Variants in PRKN observed in about 807,000 individuals in gnomAD.
PRKN encodes E3 ubiquitin-protein ligase parkin.
Under a neutral mutation model 59.5 loss-of-function variants are expected in PRKN, and 56 were observed. That is an observed-to-expected ratio of 0.94 (90% CI 0.76 to 1.18). The LOEUF (loss-of-function observed/expected upper bound fraction) is 1.18, where lower values mean the gene tolerates loss of function less well. Ranked by LOEUF, PRKN falls within the 50% of genes most tolerant of loss-of-function variation. PRKN has a pLI of 0.00. For missense variants in PRKN, 657 were observed against 596.4 expected (o/e 1.10, Z -1.06); for synonymous variants, 250 against 222.1 (o/e 1.13, Z -1.12).
chr6:162,234,308 T>C (rs1051749509), intron 3 of PRKN, among the ~76,000 whole-genome samples: 4 of 152,160 alleles, frequency 2.6e-5, no homozygotes, highest in Admixed American at 2.6e-4. Flanking sequence ...CAGGCCCCAG[T>C]GAGCTGGCTT....
At chr6:162,118,105 C>T (rs1283397531) in intron 4 of PRKN, among the ~76,000 whole-genome samples, 2 of 151,482 alleles carry the variant, frequency 1.3e-5, no homozygotes, top group African/African-American at 2.4e-5. Flanking sequence ...ATTAACATTT[C>T]AAATTTTAAA....
chr6:162,725,707 G>A (rs576684891), intron 1 of PRKN, among the ~76,000 whole-genome samples: 60 of 151,476 alleles, frequency 4.0e-4, no homozygotes, highest in Non-Finnish European at 7.9e-4. Context: ...AGGCTGCAGT[G>A]AGCTGTGATG....
chr6:161,880,101 G>C (rs1794876472), intron 6 of PRKN, among the ~76,000 whole-genome samples: 1 of 152,036 alleles, frequency 6.6e-6, no homozygotes, highest in South Asian at 2.1e-4. Context: ...TTTAATTTTA[G>C]AAAAACACAT....
chr6:162,691,990 T>A (rs1434266426), intron 1 of PRKN, among the ~76,000 whole-genome samples: 3 of 144,286 alleles, frequency 2.1e-5, no homozygotes, highest in Non-Finnish European at 3.1e-5. Flanking sequence ...TATGCACAGA[T>A]TAAAAAAAAA....
intron 7 of PRKN, among the ~76,000 whole-genome samples, chr6:161,630,325 G>A: frequency 6.6e-6 from 1 of 152,028 alleles, no homozygotes; most frequent in Non-Finnish European, 1.5e-5. Flanking sequence ...ACTCTCTGAG[G>A]CTCAGCTTCC....
At chr6:162,261,539 G>T (rs1357236387) in intron 3 of PRKN, among the ~76,000 whole-genome samples, 1 of 151,960 alleles carries the variant, frequency 6.6e-6, no homozygotes, top group East Asian at 1.9e-4. Context: ...TATTATTCTG[G>T]TCACAAGAGT....
rs55714271 is a variant in PRKN, at chr6:161,897,966, C to CAAAAAAAAAAAAAAA, written c.734+75321_734+75335dup. 5.7e-4 allele frequency among the ~76,000 whole-genome samples: 22 copies of CAAAAAAAAAAAAAAA among 38,284 alleles called. 1 individual carries two copies. The highest frequency in any genetic ancestry group is 2.2e-3 in the South Asian group (2 of 902). 25.1% of individuals were successfully genotyped at this position (38,284 alleles called of 152,430 possible). A position where few individuals can be genotyped will look rare whatever the true frequency, so the allele number is the denominator to read the frequency against. On this transcript the variant is annotated intron_variant, in intron 6 of 11. Transcript: ENST00000366898. ...TGGGTGACAGAGCGAGACTCCGTCT[C>CAAAAAAAAAAAAAAA]AAAAAAAAAAAAAAAAAAGTCTCCC...
intron 2 of PRKN, among the ~76,000 whole-genome samples, chr6:162,275,812 C>G (rs1181126562): frequency 6.6e-6 from 1 of 151,696 alleles, no homozygotes; most frequent in Admixed American, 6.6e-5. Flanking sequence ...ATTACAGACA[C>G]ACACATATTA....
intron 2 of PRKN, among the ~76,000 whole-genome samples, chr6:162,399,738 A>G (rs1787663236): frequency 6.6e-6 from 1 of 152,214 alleles, no homozygotes; most frequent in African/African-American, 2.4e-5. Flanking sequence ...ACAACAGAGC[A>G]GAAATACAAG....
At chr6:162,650,522 C>T (rs908927407) in intron 1 of PRKN, among the ~76,000 whole-genome samples, 34 of 141,532 alleles carry the variant, frequency 2.4e-4, no homozygotes, top group African/African-American at 8.8e-4. Context: ...GGCGTGACCC[C>T]GGGAGGCGGA....
At position 161,847,469 on chromosome 6, in the gene PRKN, C is replaced by G. The variant is rs1583241056; in HGVS notation, c.735-61561G>C. 2.6e-5 allele frequency among the ~76,000 whole-genome samples: 4 copies of G among 152,342 alleles called. No individual in the cohort carries two copies. The East Asian group carries it at 7.7e-4, about 29-fold the overall frequency. On this transcript the variant is annotated intron_variant, in intron 6 of 11. Transcript: ENST00000366898. ...AAGGTTGCAGACATCCTCTCCCCTCCTCAGCTGTCTACATCAAGTGGTTGA... is the reference window on the plus strand; with the variant it reads ...AAGGTTGCAGACATCCTCTCCCCTCGTCAGCTGTCTACATCAAGTGGTTGA...
intron 2 of PRKN, among the ~76,000 whole-genome samples, chr6:162,322,018 A>G (rs1448317590): frequency 6.6e-6 from 1 of 152,044 alleles, no homozygotes; most frequent in Non-Finnish European, 1.5e-5. Flanking sequence ...CAAGAAAAAT[A>G]AAATGCATAA....
In PRKN at chr6:161,371,521, C is replaced by G. The variant is rs554981233; in HGVS notation, c.1168-11316G>C. On this transcript the variant is annotated intron_variant, in intron 10 of 11. Coordinates refer to ENST00000366898, the MANE Select transcript of PRKN (RefSeq NM_004562.3). This position sits in a 1 kb window ranked among gnomAD's most constrained non-coding sequence, Gnocchi z 5.5. ...AGAGTGTTGGGATTTAATGGGGTGT[C>G]TAGCCAAGGGCTCCGGGGAATACAA... 1.5e-4 allele frequency among the ~76,000 whole-genome samples: 23 copies of G among 152,156 alleles called. 1 individual carries two copies. The highest frequency in any genetic ancestry group is 2.6e-4 in the Admixed American group (4 of 15,278).
chr6:162,165,442 A>G (rs1782934229), intron 4 of PRKN, among the ~76,000 whole-genome samples: 1 of 149,614 alleles, frequency 6.7e-6, no homozygotes, highest in Non-Finnish European at 1.5e-5. Context: ...TAAATAGATC[A>G]AAGCTTCCAG....
chr6:161,649,395 G>T (rs776733653), intron 7 of PRKN, among the ~76,000 whole-genome samples: 1 of 152,100 alleles, frequency 6.6e-6, no homozygotes, highest in African/African-American at 2.4e-5. Flanking sequence ...ATGCTTCTCT[G>T]GCTTAAAGAA....
chr6:161,879,341 C>CTTTTTTTTTTT (rs72163881), intron 6 of PRKN, among the ~76,000 whole-genome samples: 1 of 112,258 alleles, frequency 8.9e-6, no homozygotes, highest in African/African-American at 3.6e-5. Flanking sequence ...ACATTTCTGC[C>CTTTTTTTTTTT]TTTTTTTTTT....
intron 6 of PRKN, among the ~76,000 whole-genome samples, chr6:161,833,673 A>G (rs1464312058): frequency 6.6e-6 from 1 of 152,114 alleles, no homozygotes; most frequent in Non-Finnish European, 1.5e-5. Context: ...GAGTTTGGTT[A>G]TGCAACCATT....
intron 2 of PRKN, among the ~76,000 whole-genome samples, chr6:162,393,155 CTTTTTTTTTT>C (rs1177332315): frequency 2.5e-5 from 2 of 80,190 alleles, no homozygotes; most frequent in Non-Finnish European, 4.6e-5. Context: ...ATAGGAGATT[CTTTTTTTTTT>C]TTTTTTTTTT....
intron 1 of PRKN, among the ~76,000 whole-genome samples, chr6:162,636,725 CT>C (rs1273577938): frequency 1.3e-5 from 2 of 152,322 alleles, no homozygotes; most frequent in East Asian, 3.9e-4. Flanking sequence ...TGGCTAACAG[CT>C]GTAATCCCAG....
Sources: allele counts gnomAD v4.1 joint callset (sites outside exome capture counted in the v4.1 genomes callset), GRCh38; gene constraint gnomAD v4.1.1; non-coding constraint Gnocchi (gnomAD v3.1); transcripts MANE v1.5; gene names NCBI Gene and HGNC (gene_info 2026-07-23, HGNC 2026-07-21).